AMY2A: variants seen among roughly 807,000 people sequenced by gnomAD.
The protein encoded by AMY2A is pancreatic alpha-amylase.
Under a neutral mutation model 43.0 loss-of-function variants are expected in AMY2A, and 16 were observed. That is an observed-to-expected ratio of 0.37 (90% CI 0.25 to 0.56). The LOEUF (loss-of-function observed/expected upper bound fraction) is 0.56. Among genes scored for constraint, AMY2A ranks in the 20% least tolerant of loss-of-function variants. The pLI is 0.77. For missense variants in AMY2A, 212 were observed against 456.8 expected, an observed-to-expected ratio of 0.46 and a Z score of 4.89; for synonymous variants, 70 against 144.6, an observed-to-expected ratio of 0.48 and a Z score of 3.70.
At chr1:103,623,454 A>T (rs1653241976) in intron 7 of AMY2A, among the ~76,000 whole-genome samples, 2 of 79,096 alleles carry the variant, frequency 2.5e-5, no homozygotes, top group Admixed American at 1.1e-4. Context: ...TTTACTGAAA[A>T]TTTTTTAAAA....
intron 4 of AMY2A, 50 bp downstream of exon 4, chr1:103,619,834 A>G (rs1302251979): frequency 2.5e-6 from 4 of 1,595,228 alleles, no homozygotes; most frequent in Non-Finnish European, 3.4e-6. Context: ...TCGTTAGAAA[A>G]TTAATGGAAG....
rs1279678965 is a variant in AMY2A at position 103,617,544 on chromosome 1, G to A, written c.104G>A (p.Arg35Gln). 6 of 1,600,734 alleles carry A rather than the reference G, an allele frequency of 3.7e-6. No individual in the cohort carries two copies. Among genetic ancestry groups the A allele is most frequent in the East Asian group, 4.5e-5 (2 of 44,854 alleles). Reference sequence around the variant, plus strand: ...TCTATTGTTCATCTGTTTGAATGGCGATGGGTTGATATTGCTCTTGAATGT... The same window carrying A: ...TCTATTGTTCATCTGTTTGAATGGCAATGGGTTGATATTGCTCTTGAATGT... The part of the protein sequence containing the change: ...RTSIVHLFEW[R>Q]WVDIALECER... Residue 35 changes from arginine to glutamine, a missense_variant, in exon 1 of 10, where the codon CGA becomes CAA. By Grantham distance (43) the Arg-to-Gln change is conservative (BLOSUM62 1). Coordinates refer to ENST00000414303, the MANE Select transcript of AMY2A (RefSeq NM_000699.4).
At chr1:103,623,529 C>T (rs1322925456) in intron 7 of AMY2A, among the ~76,000 whole-genome samples, 4 of 80,296 alleles carry the variant, frequency 5.0e-5, no homozygotes, top group Admixed American at 1.1e-4. Flanking sequence ...ATAGGAGGAT[C>T]GCTTGAGCCT....
At position 103,619,576 on chromosome 1, in the gene AMY2A, G is replaced by A. The variant is rs1201532847; in HGVS notation, c.536G>A (p.Gly179Asp). 1.2e-6 allele frequency: 2 copies of A among 1,611,786 alleles called. No individual in the cohort carries two copies. Among genetic ancestry groups the A allele is most frequent in the East Asian group, 2.2e-5 (1 of 44,818 alleles). The stretch of plus-strand genomic sequence containing the variant: ...CAGGTCAGAGATTGTCGTCTGACTG[G>A]TCTTCTTGATCTTGCACTGGAGAAG... The part of the protein sequence containing the change: ...ATQVRDCRLT[G>D]LLDLALEKDY... Residue 179 changes from glycine (G) to aspartate (D), a missense_variant, in exon 4 of 10, where the codon GGT (glycine) becomes GAT (aspartate). By Grantham distance (94) the Gly-to-Asp change is moderately conservative. Transcript: ENST00000414303.
At chr1:103,625,268 AC>A (rs1371211778) in intron 9 of AMY2A, among the ~76,000 whole-genome samples, 2 of 51,468 alleles carry the variant, frequency 3.9e-5, no homozygotes, top group Non-Finnish European at 7.6e-5. Flanking sequence ...CCAAGGTAGA[AC>A]TTTTATCAAA....
chr1:103,618,805 A>T, intron 2 of AMY2A, 106 bp from the exon 3 acceptor site: 1 of 1,426,928 alleles, frequency 7.0e-7, no homozygotes, highest in Non-Finnish European at 9.5e-7. Flanking sequence ...ATAAGATATC[A>T]TGAAATATTT....
In AMY2A at chr1:103,623,162, C is replaced by T. The variant is rs543332084; in HGVS notation, c.1102-704C>T. ...TTTTATAGCAAAAAAACCAATATTCCCATTTTACAAATGAAGAAACTGAGA... is the reference window on the plus strand; with the variant it reads ...TTTTATAGCAAAAAAACCAATATTCTCATTTTACAAATGAAGAAACTGAGA... On this transcript the variant is annotated intron_variant, in intron 7 of 9. Transcript: ENST00000414303. 9.4e-3 allele frequency among the ~76,000 whole-genome samples: 968 copies of T among 102,656 alleles called. 132 individuals are homozygous for T. Among genetic ancestry groups the T allele is most frequent in the African/African-American group, 0.037 (917 of 24,800 alleles). 67.3% of individuals were successfully genotyped at this position (102,656 alleles called of 152,430 possible).
intron 9 of AMY2A, among the ~76,000 whole-genome samples, chr1:103,624,947 A>G (rs1485808353): frequency 7.6e-6 from 1 of 131,278 alleles, no homozygotes; most frequent in Non-Finnish European, 1.7e-5. Flanking sequence ...ACTCTAGTAT[A>G]AATTATATTT....
In AMY2A at chr1:103,618,042, C is replaced by G; in HGVS notation, c.257C>G (p.Thr86Arg). Residue 86 changes from threonine (T) to arginine (R), a missense_variant, in exon 2 of 10, where the codon ACA (threonine) becomes AGA (arginine). By Grantham distance (71) the Thr-to-Arg change is moderately conservative. Coordinates refer to ENST00000414303, the MANE Select transcript of AMY2A (RefSeq NM_000699.4). The stretch of plus-strand genomic sequence containing the variant: ...CAACCAGTTAGCTATAAATTATGCA[C>G]AAGATCTGGAAATGAAGATGAATTT... Reference protein sequence around the residue: ...RYQPVSYKLCTRSGNEDEFRN... With the variant: ...RYQPVSYKLCRRSGNEDEFRN... 5 of 1,600,546 alleles carry G rather than the reference C, an allele frequency of 3.1e-6. No individual in the cohort carries two copies. Among genetic ancestry groups the G allele is most frequent in the Non-Finnish European group, 4.3e-6 (5 of 1,170,674 alleles).
Position 103,624,189 on chromosome 1 carries a change from CAG to C in AMY2A, c.1317_1318del (p.Gly440IlefsTer7), listed in dbSNP as rs1348838737. The C allele has an allele frequency of 3.8e-6, 3 of 792,432 alleles. No homozygotes were observed. The highest frequency in any genetic ancestry group is 2.6e-5 in the East Asian group (1 of 38,770). 49.1% of individuals were successfully genotyped at this position (792,432 alleles called of 1,614,324 possible). A position where few individuals can be genotyped will look rare whatever the true frequency, so the allele number is the denominator to read the frequency against. ...ACCAAGTGGCTTTTGGGAGAGGAAACAGAGGATTCATTGTTTTCAACAATGAT... is the reference window on the plus strand; with the variant it reads ...ACCAAGTGGCTTTTGGGAGAGGAAACAGGATTCATTGTTTTCAACAATGAT... The part of the protein sequence containing the change: ...SNQVAFGRGN[R>X]GFIVFNNDDW... On this transcript the variant is annotated frameshift_variant, in exon 9 of 10. Coordinates refer to ENST00000414303, the MANE Select transcript of AMY2A (RefSeq NM_000699.4). LOFTEE classifies it high-confidence loss of function.
At chr1:103,618,205 T>A (rs914094871) in intron 2 of AMY2A, 105 bp downstream of exon 2, 3 of 1,463,620 alleles carry the variant, frequency 2.0e-6, no homozygotes, top group East Asian at 2.3e-5. Context: ...TTTATTTTTT[T>A]AATTTTACTT....
chr1:103,617,240 TA>T (rs1653101615), upstream of AMY2A: 1 of 1,228,702 alleles, frequency 8.1e-7, no homozygotes, highest in Non-Finnish European at 1.1e-6. Flanking sequence ...CATTAATATC[TA>T]AAAGGTCATT....
chr1:103,619,819 C>G, intron 4 of AMY2A, 35 bp downstream of exon 4: 1 of 1,601,326 alleles, frequency 6.2e-7, no homozygotes, highest in African/African-American at 1.3e-5. Context: ...AAAATATCAT[C>G]TTATTCGTTA....
chr1:103,616,930 G>T (rs1653092207), upstream of AMY2A: 1 of 972,090 alleles, frequency 1.0e-6, no homozygotes, highest in East Asian at 9.6e-5. Flanking sequence ...ACTTGTTTCT[G>T]TCCTGTCAGT....
intron 2 of AMY2A, 33 bp downstream of exon 2, chr1:103,618,133 A>G (rs1174155726): frequency 6.3e-7 from 1 of 1,586,476 alleles, no homozygotes; most frequent in East Asian, 2.2e-5. Flanking sequence ...TAAAAATAAC[A>G]GACAGGAAAA....
chr1:103,618,822 T>A lies in AMY2A; in HGVS notation c.316-89T>A, dbSNP rs1010330942. The A allele has an allele frequency of 1.2e-5, 14 of 1,121,232 alleles. No homozygotes were observed. In the African/African-American group the frequency reaches 2.2e-4, roughly 17 times the overall value. The allele number at this position is 1,121,232 out of a possible 1,614,324, so 69.5% of individuals were successfully genotyped here. Reference sequence around the variant, plus strand: ...AAGATATCATGAAATATTTTGGAGTTTTATTAACATACTATAAACTTGCAT... The same window carrying A: ...AAGATATCATGAAATATTTTGGAGTATTATTAACATACTATAAACTTGCAT... On this transcript the variant is annotated intron_variant, in intron 2 of 9. Transcript: ENST00000414303.
chr1:103,617,975 G>T lies in AMY2A; in HGVS notation c.190G>T (p.Val64Phe). Reference sequence around the variant, plus strand: ...GTAGGTCTCTCCACCAAATGAAAATGTTGCAATTTACAACCCTTTCAGACC... The same window carrying T: ...GTAGGTCTCTCCACCAAATGAAAATTTTGCAATTTACAACCCTTTCAGACC... ...GVQVSPPNEN[V>F]AIYNPFRPWW... Residue 64 changes from valine to phenylalanine, a missense_variant, in exon 2 of 10, where the codon GTT (valine) becomes TTT (phenylalanine). Around this residue, in one of 2 missense-constraint regions of AMY2A, gnomAD observed 199 missense variants for 210.6 expected, o/e 0.94. Transcript: ENST00000414303. 2 of 1,600,596 alleles carry T rather than the reference G, an allele frequency of 1.2e-6. No homozygotes were observed. Among genetic ancestry groups the T allele is most frequent in the Non-Finnish European group, 1.7e-6 (2 of 1,170,686 alleles).
intron 9 of AMY2A, 78 bp downstream of exon 9, chr1:103,624,299 CT>C: frequency 1.6e-6 from 1 of 612,646 alleles, no homozygotes; most frequent in Non-Finnish European, 2.5e-6. Flanking sequence ...TGTTCATTGA[CT>C]TTTATCATAT....
chr1:103,618,150 C>G (rs202119016), intron 2 of AMY2A, 50 bp downstream of exon 2: 4 of 1,574,848 alleles, frequency 2.5e-6, no homozygotes, highest in Non-Finnish European at 3.5e-6. Context: ...AAAATGGTTT[C>G]TCTCTCTTCT....
Sources: allele counts gnomAD v4.1 joint callset (sites outside exome capture counted in the v4.1 genomes callset), GRCh38; gene constraint gnomAD v4.1.1; regional missense constraint gnomAD v4.1.1; transcripts MANE v1.5; gene names NCBI Gene and HGNC (gene_info 2026-07-23, HGNC 2026-07-21).